TMTC2: variants seen among roughly 807,000 people sequenced by gnomAD.
The protein encoded by TMTC2 is transmembrane O-mannosyltransferase targeting cadherins 2, also known as protein O-mannosyl-transferase TMTC2.
In TMTC2, 43 loss-of-function variants were observed where a neutral mutation model predicts 82.4. The observed-to-expected ratio is 0.52, with a 90% CI of 0.41 to 0.67. TMTC2 has a LOEUF of 0.67. Among genes scored for constraint, TMTC2 ranks in the 30% least tolerant of loss-of-function variants. The pLI, the probability that TMTC2 is intolerant of heterozygous loss-of-function variation, is 0.00. For missense variants in TMTC2, 919 were observed against 1,012.4 expected (o/e 0.91, Z 1.25); for synonymous variants, 408 against 381.9 (o/e 1.07, Z -0.80).
At chr12:83,029,690 A>C (rs947717044) in intron 8 of TMTC2, among the ~76,000 whole-genome samples, 1 of 152,150 alleles carries the variant, frequency 6.6e-6, no homozygotes, top group Non-Finnish European at 1.5e-5. Flanking sequence ...ACAAGATAGA[A>C]CTGCTCCAGG....
At chr12:83,029,393 C>T (rs1445155869) in intron 8 of TMTC2, among the ~76,000 whole-genome samples, 1 of 152,170 alleles carries the variant, frequency 6.6e-6, no homozygotes, top group Non-Finnish European at 1.5e-5. Flanking sequence ...GACAATTCTT[C>T]TTCCAATGTG....
chr12:83,075,868 A>G (rs1193925413), intron 11 of TMTC2, among the ~76,000 whole-genome samples: 1 of 152,222 alleles, frequency 6.6e-6, no homozygotes, highest in Non-Finnish European at 1.5e-5. Flanking sequence ...TTACAAGTCT[A>G]GCTTGTGGTG....
At chr12:83,077,722 A>G (rs1302355286) in intron 11 of TMTC2, among the ~76,000 whole-genome samples, 1 of 151,244 alleles carries the variant, frequency 6.6e-6, no homozygotes, top group Non-Finnish European at 1.5e-5. Context: ...CTACCGGCAC[A>G]CGCCACCACG....
chr12:82,828,711 A>G (rs1053231611), intron 1 of TMTC2, among the ~76,000 whole-genome samples: 2 of 152,164 alleles, frequency 1.3e-5, no homozygotes, highest in African/African-American at 4.8e-5. Context: ...TACTGTTAGC[A>G]CTTGGACCAT....
intron 11 of TMTC2, among the ~76,000 whole-genome samples, chr12:83,080,070 C>T (rs77358559): frequency 0.013 from 1,944 of 152,232 alleles, 40 homozygotes; most frequent in African/African-American, 0.045. Flanking sequence ...ACAACATTAT[C>T]ATTTTATTTT....
Position 83,000,789 on chromosome 12 carries a change from C to T in TMTC2, c.2070+14743C>T, listed in dbSNP as rs916111440. Among the ~76,000 whole-genome samples, 10 of 152,326 alleles carry T rather than the reference C, an allele frequency of 6.6e-5. No homozygotes were observed. In the East Asian group the frequency reaches 1.9e-3, roughly 30 times the overall value. On this transcript the variant is annotated intron_variant, in intron 8 of 11. Coordinates refer to ENST00000321196, the MANE Select transcript of TMTC2 (RefSeq NM_152588.3). Reference sequence around the variant, plus strand: ...CTTCATGAGGGCTCCACCCATGCAACAAATTTTTGCCTGGTCATCCAGGCA... The same window carrying T: ...CTTCATGAGGGCTCCACCCATGCAATAAATTTTTGCCTGGTCATCCAGGCA...
chr12:82,803,390 C>A (rs1321604318), intron 1 of TMTC2, among the ~76,000 whole-genome samples: 1 of 152,060 alleles, frequency 6.6e-6, no homozygotes, highest in Non-Finnish European at 1.5e-5. Flanking sequence ...TATCACAAGG[C>A]CTCTCTGAAA....
rs111856005 is a variant in TMTC2 at position 83,084,142 on chromosome 12, T to C, written c.2331+22311T>C. Reference sequence around the variant, plus strand: ...TGAAATTCAGAATCACTCAGATAGTTTGAGCTCCTGTTAAGTGTTTATAAA... The same window carrying C: ...TGAAATTCAGAATCACTCAGATAGTCTGAGCTCCTGTTAAGTGTTTATAAA... On this transcript the variant is annotated intron_variant, in intron 11 of 11. Transcript: ENST00000321196. 8.4e-3 allele frequency among the ~76,000 whole-genome samples: 1,273 copies of C among 152,318 alleles called. 18 individuals carry two copies. Among genetic ancestry groups the C allele is most frequent in the African/African-American group, 0.029 (1,219 of 41,564 alleles).
chr12:82,902,156 A>T (rs1027268282), intron 3 of TMTC2, among the ~76,000 whole-genome samples: 18 of 152,010 alleles, frequency 1.2e-4, no homozygotes, highest in African/African-American at 4.3e-4. Context: ...CATAAGGTTT[A>T]TTCCTCTCCT....
intron 1 of TMTC2, among the ~76,000 whole-genome samples, chr12:82,729,286 C>T (rs772709042): frequency 3.3e-5 from 5 of 152,202 alleles, no homozygotes; most frequent in Non-Finnish European, 5.9e-5. Flanking sequence ...AAACACCAAT[C>T]AGCACTCTGT....
In TMTC2 at chr12:83,064,431, G is replaced by A. The variant is rs566020718; in HGVS notation, c.2331+2600G>A. Among the ~76,000 whole-genome samples the A allele has an allele frequency of 2.0e-5, 3 of 151,772 alleles. No homozygotes were observed. The South Asian group carries it at 6.2e-4, about 32-fold the overall frequency. ...ATTCAAATGATACTTTCCTTATCTGGCAACAATACTTTTTAAATGGATGGG... is the reference window on the plus strand; with the variant it reads ...ATTCAAATGATACTTTCCTTATCTGACAACAATACTTTTTAAATGGATGGG... On this transcript the variant is annotated intron_variant, in intron 11 of 11. Coordinates refer to ENST00000321196, the MANE Select transcript of TMTC2 (RefSeq NM_152588.3).
chr12:83,065,620 G>A (rs1882891430), intron 11 of TMTC2, among the ~76,000 whole-genome samples: 1 of 151,632 alleles, frequency 6.6e-6, no homozygotes, highest in Admixed American at 6.6e-5. Flanking sequence ...GCCATTTTAA[G>A]TTTTTTTAGT....
chr12:82,973,530 A>G (rs1001561081), intron 7 of TMTC2, among the ~76,000 whole-genome samples: 2 of 152,196 alleles, frequency 1.3e-5, no homozygotes, highest in Non-Finnish European at 2.9e-5. Flanking sequence ...GCAAAAAACT[A>G]TAATTTTTTC....
rs7315440 is a variant in TMTC2 at position 82,951,338 on chromosome 12, T to G, written c.1599-13686T>G. ...ATGGAGTCTCGCTCTGTCGCTAGGC[T>G]GGAGTGCAGTGGCACAATCTCGGCT... On this transcript the variant is annotated intron_variant, in intron 4 of 11. Coordinates refer to ENST00000321196, the MANE Select transcript of TMTC2 (RefSeq NM_152588.3). Among the ~76,000 whole-genome samples, 692 of 152,216 alleles carry G rather than the reference T, an allele frequency of 4.5e-3. 5 individuals are homozygous for G. The highest frequency in any genetic ancestry group is 0.016 in the African/African-American group (659 of 41,542).
chr12:83,128,736 G>A (rs980031230), intron 11 of TMTC2, among the ~76,000 whole-genome samples: 1 of 152,098 alleles, frequency 6.6e-6, no homozygotes, highest in African/African-American at 2.4e-5. Context: ...GCAACTCCCT[G>A]GACTATAGTC....
intron 4 of TMTC2, among the ~76,000 whole-genome samples, chr12:82,931,939 C>T (rs1254595827): frequency 6.6e-6 from 1 of 152,030 alleles, no homozygotes; most frequent in African/African-American, 2.4e-5. Context: ...TTGACAGCAC[C>T]TCCAGAGTTG....
intron 9 of TMTC2, among the ~76,000 whole-genome samples, chr12:83,043,865 T>A (rs1881987633): frequency 6.6e-6 from 1 of 152,356 alleles, no homozygotes; most frequent in Admixed American, 6.5e-5. Context: ...CTGTTGAATT[T>A]ATTTCACAAT....
At chr12:82,771,231 C>T (rs1342382238) in intron 1 of TMTC2, among the ~76,000 whole-genome samples, 3 of 148,334 alleles carry the variant, frequency 2.0e-5, no homozygotes, top group Admixed American at 6.7e-5. Context: ...AAAAAGTTGT[C>T]GAATGCAAGC....
intron 1 of TMTC2, among the ~76,000 whole-genome samples, chr12:82,749,468 T>C (rs1875864433): frequency 6.6e-6 from 1 of 152,180 alleles, no homozygotes; most frequent in African/African-American, 2.4e-5. Flanking sequence ...TGGACACAGC[T>C]CCACTTTGTA....
Sources: allele counts gnomAD v4.1 joint callset (sites outside exome capture counted in the v4.1 genomes callset), GRCh38; gene constraint gnomAD v4.1.1; transcripts MANE v1.5; gene names NCBI Gene and HGNC (gene_info 2026-07-23, HGNC 2026-07-21).